The following PRKD3 variants were observed in gnomAD, a reference collection of about 807,000 sequenced individuals.
PRKD3 encodes the protein serine/threonine-protein kinase D3.
PRKD3 carries 47 observed loss-of-function variants against 99.2 expected under a neutral mutation model. The observed-to-expected ratio is 0.47, with a 90% confidence interval of 0.38 to 0.60. The LOEUF (loss-of-function observed/expected upper bound fraction) is 0.60. PRKD3 is among the 20% of genes least tolerant of loss of function. The pLI is 0.00. For missense variants in PRKD3, 1,019 were observed against 1,088.4 expected (o/e 0.94, Z 0.90); for synonymous variants, 392 against 355.4 (o/e 1.10, Z -1.16).
In PRKD3 at chr2:37,280,788, T is replaced by A. The variant is rs529618442; in HGVS notation, c.989-859A>T. ...ATTTCATCAAAATACAAAACTTCTG[T>A]GCTACAAACAACACCTTACGAAGTG... On this transcript the variant is annotated intron_variant, in intron 7 of 18. Transcript: ENST00000234179. Among the ~76,000 whole-genome samples the A allele has an allele frequency of 6.6e-5, 10 of 152,248 alleles. 1 individual carries two copies. In the South Asian group the frequency reaches 1.9e-3, roughly 28 times the overall value.
Position 37,274,415 on chromosome 2 carries a change from G to A in PRKD3, c.1651+6C>T. ...AGAAAAAGCCATCAAGAAGTTTATT[G>A]CTTACTGTGATCTTTCCCTTGCCCT... On this transcript the variant is annotated splice_donor_region_variant and intron_variant, in intron 11 of 18. Transcript: ENST00000234179. 6.2e-7 allele frequency: 1 copy of A among 1,613,798 alleles called. No homozygotes were observed.
chr2:37,279,934 G>A lies in PRKD3; in HGVS notation c.989-5C>T. ...CTGTTCCCAGACTGGAAGGTTCTGG[G>A]AAAATTTTAAATGAATTTCAGAGTT... On this transcript the variant is annotated splice_region_variant and splice_polypyrimidine_tract_variant and intron_variant, in intron 7 of 18. Coordinates refer to ENST00000234179, the MANE Select transcript of PRKD3 (RefSeq NM_005813.6). The A allele has an allele frequency of 6.3e-7, 1 of 1,578,128 alleles. No homozygotes were observed. Among genetic ancestry groups the A allele is most frequent in the Non-Finnish European group, 8.6e-7 (1 of 1,164,138 alleles).
intron 5 of PRKD3, 90 bp downstream of exon 5, chr2:37,289,266 T>A: frequency 7.1e-7 from 1 of 1,399,128 alleles, no homozygotes; most frequent in Non-Finnish European, 9.7e-7. Flanking sequence ...TTCTTTAGCA[T>A]ATAAATTATG....
Position 37,260,234 on chromosome 2 carries a change from T to G in PRKD3, c.2035A>C (p.Met679Leu), listed in dbSNP as rs1043105124. ...SRLPERITKF[M>L]VTQILVALRN... ...AGGAGTTAAAATACCTGTGTGACCA[T>G]GAATTTAGTAATTCGTTCTGGAAGC... Residue 679 changes from methionine (M) to leucine (L), a missense_variant, in exon 15 of 19, where the codon ATG (methionine) becomes CTG (leucine). Physicochemically the swap from Met to Leu is conservative, Grantham distance 15 (BLOSUM62 2). Transcript: ENST00000234179. 4 of 1,609,076 alleles carry G rather than the reference T, an allele frequency of 2.5e-6. No individual in the cohort carries two copies. Among genetic ancestry groups the G allele is most frequent in the East Asian group, 2.2e-5 (1 of 44,844 alleles).
intron 1 of PRKD3, among the ~76,000 whole-genome samples, chr2:37,318,659 A>T (rs1414923244): frequency 6.6e-6 from 1 of 152,232 alleles, no homozygotes; most frequent in Admixed American, 6.5e-5. Context: ...GCAGAAAGGC[A>T]TTGAGAACTG....
At chr2:37,314,282 T>C (rs114684265) in intron 2 of PRKD3, among the ~76,000 whole-genome samples, 96 of 152,360 alleles carry the variant, frequency 6.3e-4, no homozygotes, top group Non-Finnish European at 9.0e-4. Context: ...GCAAGAGTCA[T>C]TGTAAAATTC....
intron 6 of PRKD3, among the ~76,000 whole-genome samples, chr2:37,285,953 G>A (rs372390067): frequency 6.6e-6 from 1 of 152,106 alleles, no homozygotes; most frequent in Admixed American, 6.6e-5. Flanking sequence ...AGCATGTAAA[G>A]GTTTACTGTT....
intron 1 of PRKD3, among the ~76,000 whole-genome samples, chr2:37,321,835 G>A (rs1161632183): frequency 1.3e-5 from 2 of 152,068 alleles, no homozygotes; most frequent in East Asian, 1.9e-4. Flanking sequence ...AGTCAACGAT[G>A]CAAAGAGACA....
intron 2 of PRKD3, among the ~76,000 whole-genome samples, chr2:37,307,452 A>G (rs894893488): frequency 6.6e-6 from 1 of 152,216 alleles, no homozygotes; most frequent in African/African-American, 2.4e-5. Context: ...GGCACCGGAT[A>G]TATGAAACAA....
intron 2 of PRKD3, among the ~76,000 whole-genome samples, chr2:37,310,977 A>G (rs955599017): frequency 6.6e-6 from 1 of 152,212 alleles, no homozygotes; most frequent in Non-Finnish European, 1.5e-5. Flanking sequence ...AATTTCTTGA[A>G]TAACTAATTC....
At position 37,274,325 on chromosome 2, in the gene PRKD3, GGAT is replaced by G. The variant is rs1669450565; in HGVS notation, c.1651+93_1651+95del. 2.3e-5 allele frequency: 32 copies of G among 1,389,128 alleles called. No homozygotes were observed. In the East Asian group the frequency reaches 7.4e-4, roughly 32 times the overall value. The allele number at this position is 1,389,128 out of a possible 1,614,324, so 86.1% of individuals were successfully genotyped here. ...TATTGGTTACTAAAGACTAAGCTTA[GGAT>G]GAACATTAAAAGGAACAAAGGAACA... On this transcript the variant is annotated intron_variant, in intron 11 of 18. Coordinates refer to ENST00000234179, the MANE Select transcript of PRKD3 (RefSeq NM_005813.6).
chr2:37,271,173 A>G (rs954353539), intron 12 of PRKD3, among the ~76,000 whole-genome samples: 1 of 152,250 alleles, frequency 6.6e-6, no homozygotes, highest in South Asian at 2.1e-4. Context: ...AGAGATTTTA[A>G]TCTGAGAAAT....
chr2:37,274,468 G>A lies in PRKD3; in HGVS notation c.1604C>T (p.Thr535Ile). The A allele has an allele frequency of 6.2e-7, 1 of 1,614,148 alleles. No homozygotes were observed. Among genetic ancestry groups the A allele is most frequent in the Non-Finnish European group, 8.5e-7 (1 of 1,179,974 alleles). Residue 535 changes from threonine to isoleucine, a missense_variant, in exon 11 of 19, where the codon ACT becomes ATT. By Grantham distance (89) the Thr-to-Ile change is moderately conservative. Transcript: ENST00000234179. Reference sequence around the variant, plus strand: ...AGAAGTGCAAACACTTGCTTGAGGAGTAACAGGCATGAGGGCTTGGCGAAT... The same window carrying A: ...AGAAGTGCAAACACTTGCTTGAGGAATAACAGGCATGAGGGCTTGGCGAAT... ...KAIRQALMPV[T>I]PQASVCTSPG...
At chr2:37,260,082 T>C (rs1668297066) in intron 15 of PRKD3, 141 bp downstream of exon 15, 2 of 730,208 alleles carry the variant, frequency 2.7e-6, no homozygotes, top group African/African-American at 1.8e-5. Context: ...TGAGAATCAC[T>C]TGAATCCAGG....
In PRKD3 at chr2:37,316,762, G is replaced by C. The variant is rs1671683273; in HGVS notation, c.-238C>G. 7.4e-7 allele frequency: 1 copy of C among 1,351,084 alleles called. No individual in the cohort carries two copies. Among genetic ancestry groups the C allele is most frequent in the Admixed American group, 3.5e-5 (1 of 28,556 alleles). The allele number at this position is 1,351,084 out of a possible 1,614,324, so 83.7% of individuals were successfully genotyped here. ...CATCAAAAAGCAGTCTTGTCTGTAG[G>C]AAGACAACCAGGGATTTGTAAAGGA... On this transcript the variant is annotated 5_prime_UTR_variant, in exon 2 of 19. Transcript: ENST00000234179.
chr2:37,267,530 T>C lies in PRKD3; in HGVS notation c.1784A>G (p.His595Arg). The change falls in exon 14 of 19, where the codon CAT becomes CGT. Residue 595 changes from histidine to arginine, a missense_variant. Coordinates refer to ENST00000234179, the MANE Select transcript of PRKD3 (RefSeq NM_005813.6). ...GQFGIVYGGK[H>R]RKTGRDVAIK... ...AGCCACATCCCTCCCAGTCTTTCTA[T>C]GTTTTCCTATTAAGAAAAAAAGAAG... is the stretch of plus-strand genomic sequence containing the variant. 8 of 1,601,514 alleles carry C rather than the reference T, an allele frequency of 5.0e-6. No homozygotes were observed. Among genetic ancestry groups the C allele is most frequent in the Non-Finnish European group, 6.0e-6 (7 of 1,171,666 alleles).
chr2:37,251,355 G>C lies in PRKD3; in HGVS notation c.*1822C>G, dbSNP rs891111485. The C allele has an allele frequency of 2.1e-4, 32 of 152,610 alleles. No individual in the cohort carries two copies. The highest frequency in any genetic ancestry group is 7.5e-4 in the African/African-American group (31 of 41,536). The allele number at this position is 152,610 out of a possible 1,614,324, so 9.5% of individuals were successfully genotyped here. On this transcript the variant is annotated 3_prime_UTR_variant, in exon 19 of 19. Coordinates refer to ENST00000234179, the MANE Select transcript of PRKD3 (RefSeq NM_005813.6). ...GGGTAAGATTAGAGCCATACTACTG[G>C]TCTCAAATACTACTAACTGTTTGAA...
chr2:37,282,337 A>G lies in PRKD3; in HGVS notation c.988+205T>C, dbSNP rs925995415. ...TGGCTATATTAGACTACAAAGTAAC[A>G]GGTGGCCAGAGGAAAGACGGGAAGG... On this transcript the variant is annotated intron_variant, in intron 7 of 18. Coordinates refer to ENST00000234179, the MANE Select transcript of PRKD3 (RefSeq NM_005813.6). 20 of 534,520 alleles carry G rather than the reference A, an allele frequency of 3.7e-5. No individual in the cohort carries two copies. The South Asian group carries it at 5.3e-4, about 14-fold the overall frequency. The allele number at this position is 534,520 out of a possible 1,614,324, so 33.1% of individuals were successfully genotyped here.
At chr2:37,257,837 C>A (rs1301083857) in intron 16 of PRKD3, among the ~76,000 whole-genome samples, 1 of 152,026 alleles carries the variant, frequency 6.6e-6, no homozygotes, top group Non-Finnish European at 1.5e-5. Flanking sequence ...ATGCTGGAGA[C>A]TGCCCCAGTG....
Sources: gnomAD v4.1 joint callset for allele counts (sites outside exome capture counted in the v4.1 genomes callset) on GRCh38, gnomAD v4.1.1 for gene constraint, MANE v1.5 for transcripts, NCBI Gene and HGNC (gene_info 2026-07-23, HGNC 2026-07-21) for gene names.